PPARGC1A: variants seen among roughly 807,000 people sequenced by gnomAD.
The protein encoded by PPARGC1A is PPARG coactivator 1 alpha, also known as peroxisome proliferator-activated receptor gamma coactivator 1-alpha.
Under a neutral mutation model 88.7 loss-of-function variants are expected in PPARGC1A, and 25 were observed. The ratio of observed to expected loss-of-function variants is 0.28; its 90% CI spans 0.21 to 0.39. PPARGC1A has a LOEUF of 0.39. Ranked by LOEUF, PPARGC1A falls within the 10% of genes least tolerant of loss-of-function variation. The probability of loss-of-function intolerance (pLI) is 1.00; values close to 1 mark genes in which losing one functional copy is unlikely to be tolerated. For missense variants in PPARGC1A, 880 were observed against 968.7 expected (o/e 0.91, Z 1.22); for synonymous variants, 363 against 355.6 (o/e 1.02, Z -0.24).
At chr4:24,185,500 C>A in the PPARGC1A span, among the ~76,000 whole-genome samples, 1 of 152,140 alleles carries the variant, frequency 6.6e-6, no homozygotes, top group Non-Finnish European at 1.5e-5. Flanking sequence ...TATGTAGCCA[C>A]GGTTCCTTCT....
At chr4:24,016,210 A>G in the PPARGC1A span, among the ~76,000 whole-genome samples, 1 of 152,206 alleles carries the variant, frequency 6.6e-6, no homozygotes, top group East Asian at 1.9e-4. Flanking sequence ...TTGAATCACC[A>G]ATACATATGA....
At chr4:24,360,493 G>A in the PPARGC1A span, among the ~76,000 whole-genome samples, 2 of 151,964 alleles carry the variant, frequency 1.3e-5, no homozygotes, top group Admixed American at 1.3e-4. Context: ...CACCATCACT[G>A]CTTGGCATAT....
the PPARGC1A span, among the ~76,000 whole-genome samples, chr4:24,073,651 C>T: frequency 6.6e-6 from 1 of 152,130 alleles, no homozygotes; most frequent in African/African-American, 2.4e-5. Context: ...CTACTTAACC[C>T]TGTGGTCAGC....
the PPARGC1A span, among the ~76,000 whole-genome samples, chr4:24,007,330 C>A: frequency 6.6e-6 from 1 of 152,136 alleles, no homozygotes; most frequent in Non-Finnish European, 1.5e-5. Context: ...CTACTCTAAG[C>A]ACTGAAGATG....
intron 12 of PPARGC1A, among the ~76,000 whole-genome samples, chr4:23,801,146 G>A (rs937909889): frequency 2.0e-5 from 3 of 151,866 alleles, no homozygotes; most frequent in African/African-American, 2.4e-5. Context: ...GCTATGGTTC[G>A]TGAAAGGATT....
the PPARGC1A span, among the ~76,000 whole-genome samples, chr4:24,325,471 C>G: frequency 1.3e-5 from 2 of 152,166 alleles, no homozygotes; most frequent in Non-Finnish European, 2.9e-5. Flanking sequence ...ACCTCCTCCC[C>G]CAGGAGCTTG....
At chr4:24,379,871 C>T in the PPARGC1A span, among the ~76,000 whole-genome samples, 3 of 151,500 alleles carry the variant, frequency 2.0e-5, no homozygotes, top group African/African-American at 4.9e-5. Flanking sequence ...CTCCACCTCC[C>T]GGGTTCAAGT....
At chr4:24,318,168 A>C in the PPARGC1A span, among the ~76,000 whole-genome samples, 1 of 152,226 alleles carries the variant, frequency 6.6e-6, no homozygotes, top group Admixed American at 6.5e-5. Flanking sequence ...AAATAGAAAA[A>C]TGCAGGTAGC....
chr4:23,905,168 T>C (rs148119171), upstream of PPARGC1A, among the ~76,000 whole-genome samples: 4 of 152,316 alleles, frequency 2.6e-5, no homozygotes, highest in African/African-American at 7.2e-5. Context: ...GCCATAACTA[T>C]TGACAACTTT....
chr4:23,944,353 C>T, the PPARGC1A span, among the ~76,000 whole-genome samples: 2 of 152,182 alleles, frequency 1.3e-5, no homozygotes, highest in East Asian at 3.9e-4. Flanking sequence ...TCCTCCAAAG[C>T]ACCCTGAACT....
rs1378082422 is a variant in PPARGC1A, at chr4:23,794,995, G to C, written c.*827C>G. 1.3e-5 allele frequency: 2 copies of C among 151,570 alleles called. No homozygotes were observed. Among genetic ancestry groups the C allele is most frequent in the East Asian group, 3.9e-4 (2 of 5,122 alleles). The allele number at this position is 151,570 out of a possible 1,614,324, so 9.4% of individuals were successfully genotyped here. ...AAATGTTAGGAAACTTTAGCATTCT[G>C]GTGCCCGCAGTATCCTCTCCCACCC... is the stretch of plus-strand genomic sequence containing the variant. On this transcript the variant is annotated 3_prime_UTR_variant, in exon 13 of 13. Transcript: ENST00000264867.
At chr4:24,199,876 A>C in the PPARGC1A span, among the ~76,000 whole-genome samples, 3 of 152,172 alleles carry the variant, frequency 2.0e-5, no homozygotes, top group East Asian at 5.8e-4. Flanking sequence ...TACATACCCA[A>C]GAGGAACACT....
the PPARGC1A span, among the ~76,000 whole-genome samples, chr4:24,055,581 A>G: frequency 2.0e-5 from 3 of 152,264 alleles, no homozygotes; most frequent in African/African-American, 4.8e-5. Flanking sequence ...GTGAAAAGAC[A>G]GAATTATGTT....
the PPARGC1A span, among the ~76,000 whole-genome samples, chr4:24,059,752 A>T: frequency 2.0e-5 from 3 of 152,076 alleles, no homozygotes; most frequent in African/African-American, 7.3e-5. Context: ...CTATGGGAGA[A>T]TTTTCCTCCT....
At chr4:24,351,231 TAAAA>T in the PPARGC1A span, among the ~76,000 whole-genome samples, 2 of 146,700 alleles carry the variant, frequency 1.4e-5, no homozygotes, top group African/African-American at 2.5e-5. Context: ...CCCTTGTATT[TAAAA>T]AAAAAAAAAA....
chr4:23,970,231 T>A, the PPARGC1A span, among the ~76,000 whole-genome samples: 2 of 152,200 alleles, frequency 1.3e-5, no homozygotes, highest in Non-Finnish European at 2.9e-5. Context: ...CTCACCATAG[T>A]AGCAACCCTT....
the PPARGC1A span, among the ~76,000 whole-genome samples, chr4:24,238,326 A>T: frequency 6.6e-6 from 1 of 152,332 alleles, no homozygotes; most frequent in African/African-American, 2.4e-5. Flanking sequence ...AATAAAGCAT[A>T]GGCTTTGGTG....
At chr4:24,077,736 T>C in the PPARGC1A span, among the ~76,000 whole-genome samples, 1 of 151,524 alleles carries the variant, frequency 6.6e-6, no homozygotes, top group Admixed American at 6.6e-5. Flanking sequence ...TCTTGTCTCT[T>C]GGTTCAAGGA....
At chr4:23,812,972 C>T (rs369027595) in intron 9 of PPARGC1A, 49 bp downstream of exon 9, 2 of 1,611,426 alleles carry the variant, frequency 1.2e-6, no homozygotes, top group Non-Finnish European at 1.7e-6. Context: ...ATCTTGTCAT[C>T]TCAAGGAGGG....
Sources: allele counts gnomAD v4.1 joint callset (sites outside exome capture counted in the v4.1 genomes callset), GRCh38; gene constraint gnomAD v4.1.1; transcripts MANE v1.5; gene names NCBI Gene and HGNC (gene_info 2026-07-23, HGNC 2026-07-21).